CDC42BPA: variants seen among roughly 807,000 people sequenced by gnomAD.
CDC42BPA encodes serine/threonine-protein kinase MRCK alpha.
Under a neutral mutation model 223.5 loss-of-function variants are expected in CDC42BPA, and 80 were observed. The ratio of observed to expected loss-of-function variants is 0.36; its 90% CI spans 0.30 to 0.43. The LOEUF (loss-of-function observed/expected upper bound fraction) is 0.43, where lower values mean the gene tolerates loss of function less well. Ranked by LOEUF, CDC42BPA falls within the 20% of genes least tolerant of loss-of-function variation. CDC42BPA has a pLI of 1.00. For synonymous variants in CDC42BPA, 694 were observed against 718.6 expected (o/e 0.97, Z 0.55); for missense variants, 1,743 against 2,099.9 (o/e 0.83, Z 3.32).
At chr1:227,049,045 C>G (rs1046432821) in intron 22 of CDC42BPA, among the ~76,000 whole-genome samples, 7 of 151,778 alleles carry the variant, frequency 4.6e-5, no homozygotes, top group African/African-American at 1.7e-4. Flanking sequence ...GAGTTTAGCT[C>G]TAATTTAGAT....
chr1:227,218,804 G>A (rs553603746), intron 2 of CDC42BPA, among the ~76,000 whole-genome samples: 44 of 152,218 alleles, frequency 2.9e-4, no homozygotes, highest in African/African-American at 2.9e-4. Context: ...TTCTGTGAGC[G>A]ACCAATTTGT....
intron 10 of CDC42BPA, among the ~76,000 whole-genome samples, chr1:227,130,797 G>A (rs602585): frequency 0.069 from 10,539 of 152,228 alleles, 559 homozygotes; most frequent in East Asian, 0.25. Flanking sequence ...AGAGGTTGCA[G>A]TGAGCTGAGA....
chr1:227,016,186 C>T lies in CDC42BPA; in HGVS notation c.4751G>A (p.Arg1584Gln), dbSNP rs751086806. The change falls in exon 34 of 37, where the codon CGA becomes CAA. Residue 1584 changes from arginine (R) to glutamine (Q), a missense_variant. Transcript: ENST00000366766. Reference protein sequence around the residue: ...ERMQQRREMLRDPEMRNKLIS... With the variant: ...ERMQQRREMLQDPEMRNKLIS... ...TAATTTATTTCTCATTTCTGGATCT[C>T]GTAGCATTTCCCTGTAAGACAAGGC... 2.1e-5 allele frequency: 32 copies of T among 1,543,950 alleles called. No homozygotes were observed. Among genetic ancestry groups the T allele is most frequent in the Non-Finnish European group, 2.3e-5 (26 of 1,117,162 alleles).
At chr1:227,295,356 C>A (rs1690487633) in intron 1 of CDC42BPA, among the ~76,000 whole-genome samples, 1 of 151,986 alleles carries the variant, frequency 6.6e-6, no homozygotes, top group Non-Finnish European at 1.5e-5. Context: ...GATGGGGTTT[C>A]ACCATGTTGC....
intron 19 of CDC42BPA, among the ~76,000 whole-genome samples, chr1:227,072,999 A>G (rs1678720277): frequency 1.3e-5 from 2 of 152,108 alleles, no homozygotes; most frequent in South Asian, 2.1e-4. Context: ...TTATAAACCA[A>G]AAGTTTATAA....
intron 2 of CDC42BPA, among the ~76,000 whole-genome samples, chr1:227,253,638 ACATACATACATT>A (rs766791395): frequency 3.0e-3 from 376 of 127,074 alleles, no homozygotes; most frequent in Non-Finnish European, 4.9e-3. Flanking sequence ...ATACATACAT[ACATACATACATT>A]CATACATAAA....
At chr1:227,089,395 G>C (rs747548079) in intron 16 of CDC42BPA, among the ~76,000 whole-genome samples, 3 of 152,170 alleles carry the variant, frequency 2.0e-5, no homozygotes, top group Non-Finnish European at 4.4e-5. Context: ...AATTAAAAAG[G>C]GAAAGGTAGA....
intron 15 of CDC42BPA, among the ~76,000 whole-genome samples, chr1:227,097,848 C>T (rs2149286110): frequency 6.6e-6 from 1 of 152,250 alleles, no homozygotes; most frequent in African/African-American, 2.4e-5. Context: ...CAGCCCACCC[C>T]AAGGGAAGAA....
At chr1:227,152,392 A>C (rs989130603) in intron 6 of CDC42BPA, among the ~76,000 whole-genome samples, 7 of 152,158 alleles carry the variant, frequency 4.6e-5, no homozygotes, top group African/African-American at 1.7e-4. Flanking sequence ...TTTTGAGTTA[A>C]TTTTTGTTGT....
At chr1:226,995,050 G>A in intron 35 of CDC42BPA, 70 bp from the exon 36 acceptor site, 1 of 1,433,388 alleles carries the variant, frequency 7.0e-7, no homozygotes, top group Non-Finnish European at 9.6e-7. Flanking sequence ...CACACAGACT[G>A]CTGAGCTGAC....
intron 1 of CDC42BPA, among the ~76,000 whole-genome samples, chr1:227,264,355 T>C (rs1468407553): frequency 1.4e-5 from 2 of 143,450 alleles, no homozygotes; most frequent in East Asian, 1.9e-4. Context: ...GAGGATCATG[T>C]ACTGCTTTAT....
intron 21 of CDC42BPA, among the ~76,000 whole-genome samples, chr1:227,064,363 G>C (rs1043322850): frequency 6.6e-6 from 1 of 152,128 alleles, no homozygotes; most frequent in Non-Finnish European, 1.5e-5. Flanking sequence ...CAAATATAAA[G>C]AGCAAGCAGC....
chr1:227,000,494 T>C (rs1193619988), intron 35 of CDC42BPA, among the ~76,000 whole-genome samples: 1 of 152,218 alleles, frequency 6.6e-6, no homozygotes, highest in African/African-American at 2.4e-5. Context: ...TTACTAATGG[T>C]GTGACCTTAA....
At chr1:227,163,187 T>C (rs1664422929) in intron 5 of CDC42BPA, among the ~76,000 whole-genome samples, 1 of 152,134 alleles carries the variant, frequency 6.6e-6, no homozygotes, top group African/African-American at 2.4e-5. Flanking sequence ...AACATATGTG[T>C]GTATGTTTCC....
intron 1 of CDC42BPA, among the ~76,000 whole-genome samples, chr1:227,260,036 GAA>G (rs34964140): frequency 1.0e-4 from 12 of 117,448 alleles, no homozygotes; most frequent in Admixed American, 3.2e-4. Context: ...CCATTTTACA[GAA>G]AAAAAAAAAA....
chr1:227,195,291 T>A (rs1670481398), intron 4 of CDC42BPA, among the ~76,000 whole-genome samples: 1 of 152,138 alleles, frequency 6.6e-6, no homozygotes, highest in Non-Finnish European at 1.5e-5. Context: ...CCTCCTGGGT[T>A]CAAGTGATTC....
intron 3 of CDC42BPA, among the ~76,000 whole-genome samples, chr1:227,205,234 A>C: frequency 6.9e-6 from 1 of 145,554 alleles, no homozygotes; most frequent in Non-Finnish European, 1.5e-5. Flanking sequence ...TAGCCACTGC[A>C]CTCCAGCCTA....
chr1:227,083,967 C>G (rs1681267336), intron 16 of CDC42BPA, among the ~76,000 whole-genome samples: 1 of 152,162 alleles, frequency 6.6e-6, no homozygotes, highest in Non-Finnish European at 1.5e-5. Context: ...GGTTTTTCTG[C>G]TTTCATATCT....
intron 2 of CDC42BPA, among the ~76,000 whole-genome samples, chr1:227,250,238 A>G (rs1022713962): frequency 3.9e-5 from 6 of 152,208 alleles, no homozygotes; most frequent in African/African-American, 1.4e-4. Context: ...TGTTAATCCC[A>G]GCACTTTGGG....
Sources: allele counts gnomAD v4.1 joint callset (sites outside exome capture counted in the v4.1 genomes callset), GRCh38; gene constraint gnomAD v4.1.1; transcripts MANE v1.5; gene names NCBI Gene and HGNC (gene_info 2026-07-23, HGNC 2026-07-21).